Variants in WIPF2 observed in about 807,000 individuals in gnomAD.
WIPF2 encodes the protein WAS/WASL interacting protein family member 2.
Under a neutral mutation model 38.8 loss-of-function variants are expected in WIPF2, and 23 were observed. The observed-to-expected ratio is 0.59, with a 90% CI of 0.43 to 0.84. The LOEUF is 0.84. WIPF2 is among the 40% of genes least tolerant of loss of function. The pLI, the probability that WIPF2 is intolerant of heterozygous loss-of-function variation, is 0.00. For missense variants in WIPF2, 574 were observed against 580.5 expected, an observed-to-expected ratio of 0.99 and a Z score of 0.11; for synonymous variants, 210 against 223.2, an observed-to-expected ratio of 0.94 and a Z score of 0.53.
intron 1 of WIPF2, among the ~76,000 whole-genome samples, chr17:40,231,258 G>A (rs947309566): frequency 2.0e-5 from 3 of 151,952 alleles, no homozygotes; most frequent in African/African-American, 7.3e-5. Context: ...TGGTGAGTTG[G>A]GACTTAATAT....
Position 40,278,207 on chromosome 17 carries a change from G to C in WIPF2, c.1305G>C (p.Leu435=). 6.2e-7 allele frequency: 1 copy of C among 1,613,778 alleles called. No homozygotes were observed. Residue 435 remains leucine, a synonymous_variant, in exon 8 of 8, where the codon CTG becomes CTC. Transcript: ENST00000323571. ...CAGCTGCCCGTGGAGCCCCACCTCT[G>C]CCACCCATTCTCAGGTGAAGCCTGG... The part of the protein sequence containing the change: ...TNRAARGAPP[L]PPILR
rs796324524 is a variant in WIPF2, at chr17:40,256,591, T to C, written c.63+69T>C. 5.9e-6 allele frequency: 9 copies of C among 1,516,686 alleles called. No homozygotes were observed. In the African/African-American group the frequency reaches 1.3e-4, roughly 22 times the overall value. The allele number at this position is 1,516,686 out of a possible 1,614,324, so 94.0% of individuals were successfully genotyped here. On this transcript the variant is annotated intron_variant, in intron 2 of 7. Transcript: ENST00000323571. ...ATAGGTTGATGGTCCTCACATACTT[T>C]TTTTTTCTTTTAACTCCTTTTGGTT...
At chr17:40,223,262 G>C (rs968622496) in intron 1 of WIPF2, among the ~76,000 whole-genome samples, 2 of 151,956 alleles carry the variant, frequency 1.3e-5, no homozygotes, top group African/African-American at 2.4e-5. Context: ...TCCTGGCTCA[G>C]CCTCCCAAGT....
intron 1 of WIPF2, among the ~76,000 whole-genome samples, chr17:40,232,378 C>A (rs1172503214): frequency 6.6e-6 from 1 of 151,298 alleles, no homozygotes; most frequent in Non-Finnish European, 1.5e-5. Context: ...TTAGTAGAGA[C>A]AGGGTTTCAC....
chr17:40,261,081 A>G (rs2031888044), intron 3 of WIPF2, among the ~76,000 whole-genome samples: 1 of 151,266 alleles, frequency 6.6e-6, no homozygotes, highest in South Asian at 2.1e-4. Context: ...ACTGTAACTA[A>G]TGCTCATCAG....
At position 40,219,343 on chromosome 17, in the gene WIPF2, AT is replaced by A. The variant is rs2145253439; in HGVS notation, c.-216del. The A allele has an allele frequency of 5.4e-6, 2 of 367,898 alleles. No individual in the cohort carries two copies. Among genetic ancestry groups the A allele is most frequent in the South Asian group, 5.0e-5 (2 of 39,618 alleles). 22.8% of individuals were successfully genotyped at this position (367,898 alleles called of 1,614,324 possible). A position where few individuals can be genotyped will look rare whatever the true frequency, so the allele number is the denominator to read the frequency against. ...CGCTGGGGACGGTGGGAGCAGATCC[AT>A]TTCCGGGTTGGCAAAAGGGGCGGTG... On this transcript the variant is annotated 5_prime_UTR_variant, in exon 1 of 8. Transcript: ENST00000323571.
chr17:40,273,223 T>C (rs2032296345), intron 5 of WIPF2, among the ~76,000 whole-genome samples: 1 of 151,978 alleles, frequency 6.6e-6, no homozygotes, highest in Non-Finnish European at 1.5e-5. Flanking sequence ...TTAGTAGAGA[T>C]GGAGTTTCAT....
rs539672299 is a variant in WIPF2, at chr17:40,258,862, C to T, written c.64-1673C>T. ...TGGTTGTGATCATAACTCACTGCAG[C>T]CTCTAATTCCTGGGCTCAAGTGATC... On this transcript the variant is annotated intron_variant, in intron 2 of 7. Transcript: ENST00000323571. 4.6e-5 allele frequency among the ~76,000 whole-genome samples: 7 copies of T among 151,234 alleles called. No individual in the cohort carries two copies. The South Asian group carries it at 1.5e-3, about 32-fold the overall frequency.
At chr17:40,269,008 C>A in intron 5 of WIPF2, among the ~76,000 whole-genome samples, 1 of 151,970 alleles carries the variant, frequency 6.6e-6, no homozygotes, top group Admixed American at 6.6e-5. Context: ...CATGGTGAAA[C>A]CCCATTACTA....
rs754551580 is a variant in WIPF2 at position 40,232,279 on chromosome 17, TC to T, written c.-70+12790del. On this transcript the variant is annotated intron_variant, in intron 1 of 7. Coordinates refer to ENST00000323571, the MANE Select transcript of WIPF2 (RefSeq NM_133264.5). ...ATCTCAGCTCACTGCAGTCTGTGGC[TC>T]CCAGGTTCAAGCAATTCTCATGCTT... is the stretch of plus-strand genomic sequence containing the variant. Among the ~76,000 whole-genome samples, 8 of 146,384 alleles carry T rather than the reference TC, an allele frequency of 5.5e-5. No individual in the cohort carries two copies. In the South Asian group the frequency reaches 1.8e-3, roughly 32 times the overall value.
At chr17:40,259,264 G>A (rs1474004746) in intron 2 of WIPF2, among the ~76,000 whole-genome samples, 1 of 151,424 alleles carries the variant, frequency 6.6e-6, no homozygotes, top group African/African-American at 2.4e-5. Flanking sequence ...GGAGATGTAA[G>A]CTGAGGGTTT....
chr17:40,251,302 C>G (rs1181039773), intron 1 of WIPF2, among the ~76,000 whole-genome samples: 1 of 150,786 alleles, frequency 6.6e-6, no homozygotes, highest in African/African-American at 2.4e-5. Flanking sequence ...TGAAATTTGT[C>G]TTTCTGTTGT....
At position 40,273,876 on chromosome 17, in the gene WIPF2, C is replaced by T; in HGVS notation, c.1057C>T (p.Pro353Ser). The T allele has an allele frequency of 6.5e-7, 1 of 1,548,722 alleles. No individual in the cohort carries two copies. The highest frequency in any genetic ancestry group is 8.8e-7 in the Non-Finnish European group (1 of 1,138,116). ...ACCATACCGAATGCATGGGTCAGAACCCCCGAGCCGAGGAAAGCCCCCACC... is the reference window on the plus strand; with the variant it reads ...ACCATACCGAATGCATGGGTCAGAATCCCCGAGCCGAGGAAAGCCCCCACC... Reference protein sequence around the residue: ...PPPYRMHGSEPPSRGKPPPPP... With the variant: ...PPPYRMHGSESPSRGKPPPPP... Residue 353 changes from proline to serine, a missense_variant, in exon 6 of 8, where the codon CCC becomes TCC. Physicochemically the swap from Pro to Ser is moderately conservative, Grantham distance 74 (BLOSUM62 -1). Transcript: ENST00000323571.
intron 1 of WIPF2, among the ~76,000 whole-genome samples, chr17:40,246,163 T>G (rs1329191431): frequency 6.6e-6 from 1 of 151,018 alleles, no homozygotes; most frequent in Non-Finnish European, 1.5e-5. Flanking sequence ...CTCGGCTCAC[T>G]GCAACACCTT....
In WIPF2 at chr17:40,282,795, C is replaced by T. The variant is rs1005255366; in HGVS notation, c.*4570C>T. 3.9e-5 allele frequency: 6 copies of T among 152,098 alleles called. No individual in the cohort carries two copies. Among genetic ancestry groups the T allele is most frequent in the African/African-American group, 1.2e-4 (5 of 41,406 alleles). 9.4% of individuals were successfully genotyped at this position (152,098 alleles called of 1,614,324 possible). On this transcript the variant is annotated 3_prime_UTR_variant, in exon 8 of 8. Transcript: ENST00000323571. Reference sequence around the variant, plus strand: ...TTTGGGTAAGTGTAGTGGTTTGATTCCAGGTCCCTTGAAAAAGTAGATCTA... The same window carrying T: ...TTTGGGTAAGTGTAGTGGTTTGATTTCAGGTCCCTTGAAAAAGTAGATCTA...
At chr17:40,220,427 ACT>A (rs2030128382) in intron 1 of WIPF2, 1 of 149,920 alleles carries the variant, frequency 6.7e-6, no homozygotes, top group Non-Finnish European at 1.5e-5. Flanking sequence ...ACGTGGTCTC[ACT>A]CTGTCGCCCG....
In WIPF2 at chr17:40,280,663, T is replaced by C. The variant is rs1430796429; in HGVS notation, c.*2438T>C. The C allele has an allele frequency of 6.6e-6, 1 of 152,544 alleles. No homozygotes were observed. The highest frequency in any genetic ancestry group is 2.4e-5 in the African/African-American group (1 of 41,432). 9.4% of individuals were successfully genotyped at this position (152,544 alleles called of 1,614,324 possible). ...TACGTTATCAAAGTGTTTTTTTTTT[T>C]TTCCTCCTTTACTCAGACATAGAGC... On this transcript the variant is annotated 3_prime_UTR_variant, in exon 8 of 8. Transcript: ENST00000323571.
intron 1 of WIPF2, among the ~76,000 whole-genome samples, chr17:40,235,712 T>C (rs1279875855): frequency 6.6e-6 from 1 of 151,456 alleles, no homozygotes; most frequent in East Asian, 1.9e-4. Context: ...TAGCTGGGAT[T>C]ACAGGCATGC....
intron 2 of WIPF2, among the ~76,000 whole-genome samples, chr17:40,259,555 C>T (rs2031835633): frequency 6.6e-6 from 1 of 152,038 alleles, no homozygotes; most frequent in Non-Finnish European, 1.5e-5. Flanking sequence ...GTGACGTTAA[C>T]TGTCCTAAAC....
Sources: allele counts gnomAD v4.1 joint callset (sites outside exome capture counted in the v4.1 genomes callset), GRCh38; gene constraint gnomAD v4.1.1; transcripts MANE v1.5; gene names NCBI Gene and HGNC (gene_info 2026-07-23, HGNC 2026-07-21).